Variants in PPP2R2B observed in about 807,000 individuals in gnomAD.
The protein encoded by PPP2R2B is serine/threonine-protein phosphatase 2A 55 kDa regulatory subunit B beta isoform.
PPP2R2B carries 5 observed loss-of-function variants against 46.0 expected under a neutral mutation model. That is an observed-to-expected ratio of 0.11 (90% confidence interval 0.06 to 0.23). The LOEUF is 0.23. Ranked by LOEUF, PPP2R2B falls within the 10% of genes least tolerant of loss-of-function variation. PPP2R2B has a pLI of 1.00. For missense variants in PPP2R2B, 367 were observed against 575.0 expected (o/e 0.64, Z 3.70); for synonymous variants, 215 against 206.7 (o/e 1.04, Z -0.34).
At chr5:146,592,049 C>T (rs1198959275) in intron 9 of PPP2R2B, 3 of 410,812 alleles carry the variant, frequency 7.3e-6, no homozygotes, top group Admixed American at 3.0e-5. Context: ...AAATAAATAC[C>T]TATAAATAAA....
intron 1 of PPP2R2B, among the ~76,000 whole-genome samples, chr5:146,904,628 C>T (rs549049240): frequency 6.6e-6 from 1 of 152,292 alleles, no homozygotes; most frequent in East Asian, 1.9e-4. Context: ...ACTGATCATA[C>T]AGACTGGCTG....
At chr5:147,040,634 G>A (rs561073636) in intron 1 of PPP2R2B, 35 of 377,168 alleles carry the variant, frequency 9.3e-5, no homozygotes, top group African/African-American at 7.0e-4. Flanking sequence ...TGCTTCAGGG[G>A]CTCAGTGTGA....
chr5:147,067,492 T>C (rs1056562248), intron 2 of PPP2R2B, among the ~76,000 whole-genome samples: 3 of 152,210 alleles, frequency 2.0e-5, no homozygotes, highest in Non-Finnish European at 4.4e-5. Context: ...AGGCTTTCTT[T>C]CTTTTTCCAG....
intron 2 of PPP2R2B, among the ~76,000 whole-genome samples, chr5:146,786,250 A>G (rs1212840277): frequency 6.6e-6 from 1 of 152,220 alleles, no homozygotes; most frequent in African/African-American, 2.4e-5. Flanking sequence ...ACTCATTTCA[A>G]AGGTCATTTC....
chr5:146,960,170 G>T (rs893744369), intron 1 of PPP2R2B, among the ~76,000 whole-genome samples: 2 of 152,044 alleles, frequency 1.3e-5, no homozygotes, highest in African/African-American at 4.8e-5. Flanking sequence ...TCCCTCCTAG[G>T]TTCTTACTCA....
intron 1 of PPP2R2B, among the ~76,000 whole-genome samples, chr5:146,989,777 C>T (rs1430681599): frequency 6.6e-6 from 1 of 151,952 alleles, no homozygotes; most frequent in Non-Finnish European, 1.5e-5. Flanking sequence ...AAACAAAGGG[C>T]ACCCAAATTT....
intron 1 of PPP2R2B, among the ~76,000 whole-genome samples, chr5:146,933,368 G>A (rs1764029512): frequency 6.6e-6 from 1 of 152,040 alleles, no homozygotes; most frequent in Non-Finnish European, 1.5e-5. Flanking sequence ...TACAGAGCAG[G>A]TCAAAGCTGC....
intron 1 of PPP2R2B, among the ~76,000 whole-genome samples, chr5:147,012,362 G>T (rs1754780345): frequency 6.6e-6 from 1 of 152,090 alleles, no homozygotes; most frequent in South Asian, 2.1e-4. Flanking sequence ...TAGTTTATTT[G>T]CATAGAGGTG....
chr5:146,992,624 G>A (rs897916157), intron 1 of PPP2R2B, among the ~76,000 whole-genome samples: 1 of 152,200 alleles, frequency 6.6e-6, no homozygotes, highest in Non-Finnish European at 1.5e-5. Flanking sequence ...TGGGGGAGTG[G>A]AAACCCAGCA....
intron 1 of PPP2R2B, among the ~76,000 whole-genome samples, chr5:146,963,028 T>G (rs748184077): frequency 9.2e-5 from 14 of 152,186 alleles, no homozygotes; most frequent in Non-Finnish European, 1.3e-4. Flanking sequence ...GAGATGATGA[T>G]GCAATTCAAC....
intron 6 of PPP2R2B, among the ~76,000 whole-genome samples, chr5:146,644,372 T>C (rs939631578): frequency 1.3e-5 from 2 of 152,046 alleles, no homozygotes; most frequent in Admixed American, 6.6e-5. Context: ...TTAGCTAGCA[T>C]TAAGTTAAAA....
At chr5:147,050,580 T>C (rs373112657) in intron 1 of PPP2R2B, among the ~76,000 whole-genome samples, 70 of 152,244 alleles carry the variant, frequency 4.6e-4, no homozygotes, top group Middle Eastern at 3.4e-3. Context: ...AACAGCTGTG[T>C]GAACTTAGAC....
At chr5:146,859,053 T>C (rs1760833521) in intron 2 of PPP2R2B, among the ~76,000 whole-genome samples, 1 of 152,180 alleles carries the variant, frequency 6.6e-6, no homozygotes, top group South Asian at 2.1e-4. Flanking sequence ...GTTGGGAGTT[T>C]ATTGATTTAT....
intron 7 of PPP2R2B, among the ~76,000 whole-genome samples, chr5:146,623,621 TC>T (rs1773849175): frequency 6.6e-6 from 1 of 152,228 alleles, no homozygotes; most frequent in Non-Finnish European, 1.5e-5. Context: ...ACAAAAAATG[TC>T]AGAATATGCT....
At chr5:146,801,568 G>A (rs1041380651) in intron 2 of PPP2R2B, among the ~76,000 whole-genome samples, 7 of 152,172 alleles carry the variant, frequency 4.6e-5, no homozygotes, top group Non-Finnish European at 1.0e-4. Flanking sequence ...AGTAAATACA[G>A]TTCATGCTGA....
intron 2 of PPP2R2B, 128 bp downstream of exon 2, chr5:146,877,874 C>T (rs1341625976): frequency 1.8e-6 from 2 of 1,141,866 alleles, no homozygotes; most frequent in Non-Finnish European, 1.2e-6. Flanking sequence ...CCGGGGCCAG[C>T]CGAGCCCCCG....
chr5:146,841,874 A>T (rs1260553887), intron 2 of PPP2R2B, among the ~76,000 whole-genome samples: 1 of 152,198 alleles, frequency 6.6e-6, no homozygotes, highest in Non-Finnish European at 1.5e-5. Flanking sequence ...TGGCACATGT[A>T]TACCTATGTA....
chr5:146,984,158 G>A (rs1753314326), intron 1 of PPP2R2B, among the ~76,000 whole-genome samples: 1 of 152,054 alleles, frequency 6.6e-6, no homozygotes, highest in South Asian at 2.1e-4. Context: ...TATTAAACAT[G>A]CAGTGCAATA....
intron 1 of PPP2R2B, among the ~76,000 whole-genome samples, chr5:147,036,652 G>T (rs192140820): frequency 1.3e-5 from 2 of 152,084 alleles, no homozygotes; most frequent in African/African-American, 2.4e-5. Flanking sequence ...AGCATTCCTT[G>T]TTCTCCACAA....
Sources: gnomAD v4.1 joint callset for allele counts (sites outside exome capture counted in the v4.1 genomes callset) on GRCh38, gnomAD v4.1.1 for gene constraint, MANE v1.5 for transcripts, NCBI Gene and HGNC (gene_info 2026-07-23, HGNC 2026-07-21) for gene names.